Variants in PDSS1 observed in about 807,000 individuals in gnomAD.
PDSS1 encodes decaprenyl diphosphate synthase subunit 1, also known as all trans-polyprenyl-diphosphate synthase PDSS1.
A neutral mutation model predicts 57.5 loss-of-function variants in PDSS1; 43 were observed. The observed-to-expected ratio is 0.75, with a 90% CI of 0.59 to 0.96. The LOEUF (loss-of-function observed/expected upper bound fraction) is 0.96. Among genes scored for constraint, PDSS1 ranks in the 50% least tolerant of loss-of-function variants. The pLI, the probability that PDSS1 is intolerant of heterozygous loss-of-function variation, is 0.00. For synonymous variants in PDSS1, 175 were observed against 191.3 expected (o/e 0.91, Z 0.70); for missense variants, 438 against 527.8 (o/e 0.83, Z 1.67).
chr10:26,731,205 G>A (rs375040023), intron 8 of PDSS1, among the ~76,000 whole-genome samples: 24 of 152,214 alleles, frequency 1.6e-4, no homozygotes, highest in African/African-American at 5.3e-4. Flanking sequence ...GCCAGGTATG[G>A]TGGTGGGTGC....
chr10:26,722,938 A>G (rs1405229941), intron 6 of PDSS1, among the ~76,000 whole-genome samples: 2 of 150,970 alleles, frequency 1.3e-5, no homozygotes, highest in Non-Finnish European at 2.9e-5. Context: ...GCAGTGTCAC[A>G]TAGTACAAAA....
At chr10:26,741,496 G>GA (rs1362615282) in intron 10 of PDSS1, among the ~76,000 whole-genome samples, 1 of 149,504 alleles carries the variant, frequency 6.7e-6, no homozygotes, top group East Asian at 2.1e-4. Flanking sequence ...AGGAGGGGGG[G>GA]AAAAACAACA....
chr10:26,705,228 A>G (rs1835170497), intron 3 of PDSS1, 58 bp from the exon 4 acceptor site: 1 of 907,568 alleles, frequency 1.1e-6, no homozygotes, highest in South Asian at 1.3e-5. Context: ...TCTACTAAAT[A>G]TATATGTATA....
rs1300415838 is a variant in PDSS1 at position 26,710,140 on chromosome 10, C to T, written c.467+372C>T. Among the ~76,000 whole-genome samples the T allele has an allele frequency of 2.0e-4, 7 of 35,144 alleles. 2 individuals carry two copies. Among genetic ancestry groups the T allele is most frequent in the African/African-American group, 5.4e-4 (7 of 13,054 alleles). 23.1% of individuals were successfully genotyped at this position (35,144 alleles called of 152,430 possible). The stretch of plus-strand genomic sequence containing the variant: ...TTGCACTCCAGCCTGGGCGACAGAG[C>T]GAGACTCTTGTCTTAAAAAAAAAAA... On this transcript the variant is annotated intron_variant, in intron 5 of 11. Transcript: ENST00000376215.
intron 8 of PDSS1, among the ~76,000 whole-genome samples, chr10:26,730,314 G>T (rs1295492077): frequency 6.6e-6 from 1 of 151,992 alleles, no homozygotes; most frequent in African/African-American, 2.4e-5. Flanking sequence ...TGTTTTGAAT[G>T]TTTGAAACAA....
At chr10:26,738,620 G>A (rs1050147505) in intron 10 of PDSS1, among the ~76,000 whole-genome samples, 3 of 152,232 alleles carry the variant, frequency 2.0e-5, no homozygotes, top group African/African-American at 4.8e-5. Flanking sequence ...TGGTAGGTGA[G>A]TTTTGTTTGC....
intron 4 of PDSS1, among the ~76,000 whole-genome samples, chr10:26,709,053 G>A (rs1470605307): frequency 6.6e-6 from 1 of 152,074 alleles, no homozygotes; most frequent in Non-Finnish European, 1.5e-5. Flanking sequence ...ACCTCCTGCT[G>A]TCTCTTGGGG....
intron 4 of PDSS1, among the ~76,000 whole-genome samples, chr10:26,705,674 A>G (rs551724781): frequency 3.9e-5 from 6 of 152,126 alleles, no homozygotes; most frequent in African/African-American, 7.2e-5. Context: ...GGGTTTTGCT[A>G]TGTTGGCCAG....
At chr10:26,717,207 C>T (rs996370250) in intron 5 of PDSS1, among the ~76,000 whole-genome samples, 4 of 152,084 alleles carry the variant, frequency 2.6e-5, no homozygotes, top group African/African-American at 9.7e-5. Flanking sequence ...ACAATTTAGC[C>T]ATGCAAAATG....
chr10:26,717,385 C>G (rs555580264), intron 5 of PDSS1, among the ~76,000 whole-genome samples: 2 of 152,286 alleles, frequency 1.3e-5, no homozygotes, highest in East Asian at 1.9e-4. Context: ...GCACCCACTA[C>G]CATGCCTGGC....
chr10:26,746,054 T>C (rs1836874100), intron 11 of PDSS1, among the ~76,000 whole-genome samples: 1 of 152,124 alleles, frequency 6.6e-6, no homozygotes, highest in South Asian at 2.1e-4. Context: ...GAAATTCTAA[T>C]AAGTAAAAAT....
At chr10:26,736,424 G>A (rs939664841) in intron 10 of PDSS1, among the ~76,000 whole-genome samples, 15 of 152,228 alleles carry the variant, frequency 9.9e-5, no homozygotes, top group African/African-American at 2.7e-4. Flanking sequence ...GCTCTTTGGT[G>A]TAAAATTATA....
chr10:26,725,377 G>T (rs974538951), intron 8 of PDSS1, among the ~76,000 whole-genome samples: 2 of 152,158 alleles, frequency 1.3e-5, no homozygotes, highest in Non-Finnish European at 2.9e-5. Flanking sequence ...AAAGAATGAG[G>T]ACAATCTTTT....
chr10:26,723,875 G>C lies in PDSS1; in HGVS notation c.679G>C (p.Val227Leu). Reference protein sequence around the residue: ...IALARIGNTTVISILTQVIED... With the variant: ...IALARIGNTTLISILTQVIED... ...TCTGGCACGAATTGGAAATACAACT[G>C]TTATATCTATTTTAACCCAAGTTAT... The change falls in exon 7 of 12, where the codon GTT becomes CTT. Residue 227 changes from valine (V) to leucine (L), a missense_variant. Physicochemically the swap from Val to Leu is conservative, Grantham distance 32. Around this residue, in one of 2 missense-constraint regions of PDSS1, gnomAD observed 284 missense variants for 390.7 expected, o/e 0.73. Coordinates refer to ENST00000376215, the MANE Select transcript of PDSS1 (RefSeq NM_014317.5). The C allele has an allele frequency of 2.5e-6, 4 of 1,613,060 alleles. No homozygotes were observed. The highest frequency in any genetic ancestry group is 3.4e-6 in the Non-Finnish European group (4 of 1,179,052).
At chr10:26,732,077 C>T (rs2448111) in intron 8 of PDSS1, among the ~76,000 whole-genome samples, 121,452 of 152,276 alleles carry the variant, frequency 0.8, 49,010 homozygotes, top group South Asian at 0.85. Context: ...ACAAAACAGT[C>T]AGCCGAGCTC....
intron 8 of PDSS1, 123 bp downstream of exon 8, chr10:26,724,246 G>A (rs1375833957): frequency 1.3e-6 from 1 of 741,700 alleles, no homozygotes; most frequent in Admixed American, 2.1e-5. Context: ...AGAGGTTAAT[G>A]AGGAAAAGAA....
rs1252336583 is a variant in PDSS1 at position 26,724,325 on chromosome 10, C to T, written c.831+202C>T. 3.3e-5 allele frequency among the ~76,000 whole-genome samples: 5 copies of T among 152,128 alleles called. No homozygotes were observed. The South Asian group carries it at 6.2e-4, about 19-fold the overall frequency. On this transcript the variant is annotated intron_variant, in intron 8 of 11. Transcript: ENST00000376215. ...TTGCCATCTTCTTTTGGTATGCAGG[C>T]GTTGACTTTTCATCTTTTCTTCCCA...
At position 26,709,810 on chromosome 10, in the gene PDSS1, G is replaced by C. The variant is rs2368183; in HGVS notation, c.467+42G>C. The C allele has an allele frequency of 0.33, 533,947 of 1,598,908 alleles. 92,580 individuals carry two copies. Among genetic ancestry groups the C allele is most frequent in the East Asian group, 0.38 (16,971 of 44,764 alleles). On this transcript the variant is annotated intron_variant, in intron 5 of 11. Coordinates refer to ENST00000376215, the MANE Select transcript of PDSS1 (RefSeq NM_014317.5). ...ATTCCTTTCTTGTTTTTATATTTGGGAAGTCTTTCTTCCCGGGGTTACTTA... is the reference window on the plus strand; with the variant it reads ...ATTCCTTTCTTGTTTTTATATTTGGCAAGTCTTTCTTCCCGGGGTTACTTA...
chr10:26,734,416 C>G (rs1836318218), intron 8 of PDSS1, among the ~76,000 whole-genome samples: 1 of 152,196 alleles, frequency 6.6e-6, no homozygotes, highest in African/African-American at 2.4e-5. Context: ...TGGTTTTACC[C>G]AGGCTTTGTT....
Sources: allele counts gnomAD v4.1 joint callset (sites outside exome capture counted in the v4.1 genomes callset), GRCh38; gene constraint gnomAD v4.1.1; regional missense constraint gnomAD v4.1.1; transcripts MANE v1.5; gene names NCBI Gene and HGNC (gene_info 2026-07-23, HGNC 2026-07-21).